The following KLRC2 variants were observed in gnomAD, a reference collection of about 807,000 sequenced individuals.
KLRC2 encodes killer cell lectin like receptor C2.
A neutral mutation model predicts 25.5 loss-of-function variants in KLRC2; 10 were observed. The observed-to-expected ratio is 0.39, with a 90% confidence interval of 0.24 to 0.67. The LOEUF (loss-of-function observed/expected upper bound fraction) is 0.67, where lower values mean the gene tolerates loss of function less well. Ranked by LOEUF, KLRC2 falls within the 30% of genes least tolerant of loss-of-function variation. KLRC2 has a pLI of 0.45. For synonymous variants in KLRC2, 48 were observed against 93.3 expected (o/e 0.51, Z 2.80); for missense variants, 170 against 272.8 (o/e 0.62, Z 2.65).
In KLRC2 at chr12:10,431,058, T is replaced by A. The variant is rs1383383974; in HGVS notation, c.*59A>T. On this transcript the variant is annotated 3_prime_UTR_variant, in exon 6 of 6. Transcript: ENST00000381902. ...TTTTCAGATTTATGCAATCATAATATTTCTATTTTAAGAAATATAAAATGT... is the reference window on the plus strand; with the variant it reads ...TTTTCAGATTTATGCAATCATAATAATTCTATTTTAAGAAATATAAAATGT... 2 of 1,253,940 alleles carry A rather than the reference T, an allele frequency of 1.6e-6. No homozygotes were observed. Among genetic ancestry groups the A allele is most frequent in the African/African-American group, 1.7e-5 (1 of 59,768 alleles). 77.7% of individuals were successfully genotyped at this position (1,253,940 alleles called of 1,614,324 possible).
chr12:10,431,379 C>T, intron 5 of KLRC2, 151 bp from the exon 6 acceptor site: 5 of 923,032 alleles, frequency 5.4e-6, no homozygotes, highest in Non-Finnish European at 6.5e-6. Flanking sequence ...TCTGAACACT[C>T]AACAGAGTAG....
At chr12:10,432,073 A>T (rs1565506814) in intron 5 of KLRC2, 33 bp downstream of exon 5, 4 of 1,381,600 alleles carry the variant, frequency 2.9e-6, no homozygotes, top group Non-Finnish European at 3.0e-6. Flanking sequence ...CTTTATATAT[A>T]TTTTTTATAT....
At position 10,435,892 on chromosome 12, in the gene KLRC2, G is replaced by A. The variant is rs776186393; in HGVS notation, c.95C>T (p.Ser32Leu). The part of the protein sequence containing the change: ...RKPKGNKSSI[S>L]GTEQEIFQVE... ...TTGGAATATTTCCTGTTCGGTTCCT[G>A]AAATGGAGCTTTTATTGCCTTTAGG... is the stretch of plus-strand genomic sequence containing the variant. Residue 32 changes from serine (S) to leucine (L), a missense_variant, in exon 1 of 6, where the codon TCA (serine) becomes TTA (leucine). By Grantham distance (145) the Ser-to-Leu change is moderately radical. This residue lies in a region of KLRC2 where 37 missense variants were observed against 68.0 expected (regional missense o/e 0.54). Coordinates refer to ENST00000381902, the MANE Select transcript of KLRC2 (RefSeq NM_002260.4). 10 of 1,599,910 alleles carry A rather than the reference G, an allele frequency of 6.3e-6. No individual in the cohort carries two copies. In the African/African-American group the frequency reaches 1.4e-4, roughly 22 times the overall value.
At chr12:10,432,338 A>G (rs1863825158) in intron 4 of KLRC2, 132 bp from the exon 5 acceptor site, 2 of 514,216 alleles carry the variant, frequency 3.9e-6, no homozygotes, top group Admixed American at 3.6e-5. Flanking sequence ...TATTTAAATG[A>G]ACTCTTCAAC....
In KLRC2 at chr12:10,432,769, C is replaced by T. The variant is rs1343128347; in HGVS notation, c.484-563G>A. ...CTCTGGGATTAATGAAAGACAAAAG[C>T]AATGGAGAACTCTGAAAGGTGGAAA... is the stretch of plus-strand genomic sequence containing the variant. On this transcript the variant is annotated intron_variant, in intron 4 of 5. Coordinates refer to ENST00000381902, the MANE Select transcript of KLRC2 (RefSeq NM_002260.4). 1.0e-4 allele frequency among the ~76,000 whole-genome samples: 14 copies of T among 134,212 alleles called. 1 individual carries two copies. Among genetic ancestry groups the T allele is most frequent in the East Asian group, 4.5e-4 (2 of 4,412 alleles). 88.0% of individuals were successfully genotyped at this position (134,212 alleles called of 152,430 possible).
chr12:10,432,007 T>C, intron 5 of KLRC2, 99 bp downstream of exon 5: 2 of 1,028,850 alleles, frequency 1.9e-6, no homozygotes, highest in South Asian at 3.2e-5. Context: ...TTCCACATCT[T>C]TCTTCATGTC....
At position 10,435,898 on chromosome 12, in the gene KLRC2, G is replaced by A. The variant is rs1863864982; in HGVS notation, c.89C>T (p.Ser30Phe). The change falls in exon 1 of 6, where the codon TCC (serine) becomes TTC (phenylalanine). Residue 30 changes from serine (S) to phenylalanine (F), a missense_variant. Physicochemically the swap from Ser to Phe is radical, Grantham distance 155. Transcript: ENST00000381902. The stretch of plus-strand genomic sequence containing the variant: ...TATTTCCTGTTCGGTTCCTGAAATG[G>A]AGCTTTTATTGCCTTTAGGTTTCCT... ...QQRKPKGNKSSISGTEQEIFQ... is the reference protein window; with the variant it reads ...QQRKPKGNKSFISGTEQEIFQ... 6.2e-7 allele frequency: 1 copy of A among 1,601,110 alleles called. No homozygotes were observed. Among genetic ancestry groups the A allele is most frequent in the Non-Finnish European group, 8.5e-7 (1 of 1,173,844 alleles).
At chr12:10,434,942 T>C in intron 2 of KLRC2, 1 of 595,012 alleles carries the variant, frequency 1.7e-6, no homozygotes, top group Non-Finnish European at 2.6e-6. Context: ...ATAACCATAT[T>C]ACTTTTGGTT....
chr12:10,435,231 T>C, intron 2 of KLRC2, 81 bp downstream of exon 2: 2 of 1,579,962 alleles, frequency 1.3e-6, no homozygotes, highest in Admixed American at 1.7e-5. Flanking sequence ...AGTTCTATTC[T>C]TCAACAGTAT....
intron 4 of KLRC2, among the ~76,000 whole-genome samples, chr12:10,432,600 T>C (rs559934176): frequency 3.6e-5 from 5 of 139,080 alleles, no homozygotes; most frequent in African/African-American, 1.4e-4. Context: ...AGCTACAGAT[T>C]GGGTTTTCTG....
At position 10,435,809 on chromosome 12, in the gene KLRC2, C is replaced by T. The variant is rs1863863536; in HGVS notation, c.178G>A (p.Asp60Asn). 1 of 1,547,364 alleles carries T rather than the reference C, an allele frequency of 6.5e-7. No individual in the cohort carries two copies. Among genetic ancestry groups the T allele is most frequent in the South Asian group, 1.1e-5 (1 of 88,928 alleles). ...ATATTTAATGTTTTACCTTGGCAGT[C>T]ATATATTTTATCAATCCCTTGATGA... ...LNHQGIDKIY[D>N]CQGLLPPPEK... is the part of the protein sequence containing the mutation. Residue 60 changes from aspartate (D) to asparagine (N), a missense_variant, in exon 1 of 6, where the codon GAC becomes AAC. Physicochemically the swap from Asp to Asn is conservative, Grantham distance 23. Coordinates refer to ENST00000381902, the MANE Select transcript of KLRC2 (RefSeq NM_002260.4).
At chr12:10,435,032 C>T (rs12230949) in intron 2 of KLRC2, 337,941 of 1,025,220 alleles carry the variant, frequency 0.33, 67,294 homozygotes, top group East Asian at 0.6. Flanking sequence ...AATTGTTCTG[C>T]TCCAGGACTG....
intron 5 of KLRC2, among the ~76,000 whole-genome samples, chr12:10,431,661 T>C (rs1863817497): frequency 7.0e-6 from 1 of 142,226 alleles, no homozygotes; most frequent in African/African-American, 2.7e-5. Flanking sequence ...GCACTGCAGT[T>C]CCCTGATAGT....
chr12:10,432,311 T>C (rs1374533865), intron 4 of KLRC2, 105 bp from the exon 5 acceptor site: 3 of 677,282 alleles, frequency 4.4e-6, no homozygotes, highest in South Asian at 2.4e-5. Context: ...AAAACTTTCA[T>C]AAATGTTTGA....
rs1284789223 is a variant in KLRC2 at position 10,430,717 on chromosome 12, T to C, written c.*400A>G. On this transcript the variant is annotated 3_prime_UTR_variant, in exon 6 of 6. Transcript: ENST00000381902. ...TTCGCAGAGTTACAACCATCACCAC[T>C]ACTGAAATTTAGAAAGTTTTCATCA... 2 of 162,410 alleles carry C rather than the reference T, an allele frequency of 1.2e-5. No homozygotes were observed. The highest frequency in any genetic ancestry group is 2.6e-5 in the Non-Finnish European group (2 of 77,024). 10.1% of individuals were successfully genotyped at this position (162,410 alleles called of 1,614,324 possible). A position where few individuals can be genotyped will look rare whatever the true frequency, so the allele number is the denominator to read the frequency against.
At chr12:10,432,524 T>C (rs897197845) in intron 4 of KLRC2, among the ~76,000 whole-genome samples, 1 of 129,080 alleles carries the variant, frequency 7.7e-6, no homozygotes, top group Non-Finnish European at 1.7e-5. Flanking sequence ...TTTTGTGCTA[T>C]ATTTCTCAGA....
At position 10,434,232 on chromosome 12, in the gene KLRC2, ATTAT is replaced by A. The variant is rs60589801; in HGVS notation, c.331+250_331+253del. 0.015 allele frequency: 8,935 copies of A among 601,502 alleles called. 1,907 individuals are homozygous for A. In the African/African-American group the frequency reaches 0.16, roughly 11 times the overall value. 37.3% of individuals were successfully genotyped at this position (601,502 alleles called of 1,614,324 possible). On this transcript the variant is annotated intron_variant, in intron 3 of 5. Coordinates refer to ENST00000381902, the MANE Select transcript of KLRC2 (RefSeq NM_002260.4). Reference sequence around the variant, plus strand: ...ACAACTGCTTTTTTAGAATAGTAAAATTATTTATTTGGTATCATCTCACAGCAGT... The same window carrying A: ...ACAACTGCTTTTTTAGAATAGTAAAATTATTTGGTATCATCTCACAGCAGT...
chr12:10,435,833 G>T lies in KLRC2; in HGVS notation c.154C>A (p.His52Asn). The change falls in exon 1 of 6, where the codon CAT (histidine) becomes AAT (asparagine). Residue 52 changes from histidine to asparagine, a missense_variant. His to Asn is a moderately conservative substitution (Grantham distance 68). Transcript: ENST00000381902. ...ELNLQNPSLN[H>N]QGIDKIYDCQ... is the part of the protein sequence containing the mutation. ...TCATATATTTTATCAATCCCTTGAT[G>T]ATTCAGGGAAGGATTTTGAAGATTT... 6.5e-7 allele frequency: 1 copy of T among 1,548,402 alleles called. No homozygotes were observed. Among genetic ancestry groups the T allele is most frequent in the Non-Finnish European group, 8.8e-7 (1 of 1,134,360 alleles).
rs1242874192 is a variant in KLRC2, at chr12:10,432,575, AATAG to A, written c.484-373_484-370del. ...GGGAATTGAGGGGTTGTCATTCAGA[AATAG>A]ATGACATGGAAGCTACAGATTGGGT... On this transcript the variant is annotated intron_variant, in intron 4 of 5. Coordinates refer to ENST00000381902, the MANE Select transcript of KLRC2 (RefSeq NM_002260.4). Among the ~76,000 whole-genome samples, 11 of 137,956 alleles carry A rather than the reference AATAG, an allele frequency of 8.0e-5. 1 individual carries two copies. Among genetic ancestry groups the A allele is most frequent in the African/African-American group, 3.0e-4 (11 of 36,198 alleles). The allele number at this position is 137,956 out of a possible 152,430, so 90.5% of individuals were successfully genotyped here. A position where few individuals can be genotyped will look rare whatever the true frequency, so the allele number is the denominator to read the frequency against.
Sources: allele counts gnomAD v4.1 joint callset (sites outside exome capture counted in the v4.1 genomes callset), GRCh38; gene constraint gnomAD v4.1.1; regional missense constraint gnomAD v4.1.1; transcripts MANE v1.5; gene names NCBI Gene and HGNC (gene_info 2026-07-23, HGNC 2026-07-21).